Variants in MTUS2 observed in about 807,000 individuals in gnomAD.
MTUS2 encodes microtubule-associated tumor suppressor candidate 2.
In MTUS2, 40 loss-of-function variants were observed where a neutral mutation model predicts 114.1. The observed-to-expected ratio is 0.35, with a 90% CI of 0.27 to 0.46. The LOEUF is 0.46. MTUS2 is among the 20% of genes least tolerant of loss of function. The pLI is 1.00. For missense variants in MTUS2, 1,679 were observed against 1,705.4 expected, an observed-to-expected ratio of 0.98 and a Z score of 0.27; for synonymous variants, 688 against 672.0, an observed-to-expected ratio of 1.02 and a Z score of -0.37.
intron 8 of MTUS2, among the ~76,000 whole-genome samples, chr13:29,391,756 C>T (rs148670726): frequency 7.3e-5 from 11 of 151,696 alleles, no homozygotes; most frequent in African/African-American, 1.9e-4. Context: ...TTAAAAGCTA[C>T]GATTTTAATC....
At chr13:28,956,312 A>G (rs181218696) in intron 2 of MTUS2, among the ~76,000 whole-genome samples, 1 of 151,954 alleles carries the variant, frequency 6.6e-6, no homozygotes, top group Non-Finnish European at 1.5e-5. Flanking sequence ...TCCTATCCCC[A>G]GCACCGGGTA....
intron 10 of MTUS2, among the ~76,000 whole-genome samples, chr13:29,482,901 G>A (rs1026465033): frequency 6.6e-5 from 10 of 152,190 alleles, no homozygotes; most frequent in Admixed American, 5.2e-4. Flanking sequence ...GTTTCCCCAG[G>A]CTTCAGTTTC....
At chr13:28,901,989 T>C (rs116988545) in intron 2 of MTUS2, among the ~76,000 whole-genome samples, 5,180 of 152,290 alleles carry the variant, frequency 0.034, 121 homozygotes, top group Middle Eastern at 0.055. Flanking sequence ...TGCCTTTTTA[T>C]TTAGATCTTT....
chr13:28,961,391 G>T (rs1238725961), intron 2 of MTUS2, among the ~76,000 whole-genome samples: 1 of 152,088 alleles, frequency 6.6e-6, no homozygotes, highest in Non-Finnish European at 1.5e-5. Context: ...TCATAGAAAT[G>T]ACACCTTATC....
chr13:29,150,935 T>C (rs1892640158), intron 5 of MTUS2, among the ~76,000 whole-genome samples: 1 of 152,242 alleles, frequency 6.6e-6, no homozygotes, highest in South Asian at 2.1e-4. Context: ...CATGCTGTTT[T>C]GGTTACTATA....
At chr13:29,491,902 G>A (rs1338893968) in intron 11 of MTUS2, among the ~76,000 whole-genome samples, 6 of 143,670 alleles carry the variant, frequency 4.2e-5, no homozygotes, top group South Asian at 2.3e-4. Flanking sequence ...TGTGCGTGGC[G>A]TGTAGTGTGT....
chr13:29,404,514 T>A (rs1406023195), intron 8 of MTUS2, among the ~76,000 whole-genome samples: 1 of 152,100 alleles, frequency 6.6e-6, no homozygotes, highest in Non-Finnish European at 1.5e-5. Context: ...AGACCAGTAT[T>A]TGTCCCCCGT....
intron 2 of MTUS2, among the ~76,000 whole-genome samples, chr13:28,884,991 G>C (rs999773882): frequency 1.3e-5 from 2 of 151,906 alleles, no homozygotes; most frequent in Admixed American, 1.3e-4. Flanking sequence ...AAAATTAATT[G>C]CACCTTTTAA....
chr13:29,242,204 T>A (rs1896758167), intron 5 of MTUS2, among the ~76,000 whole-genome samples: 1 of 152,232 alleles, frequency 6.6e-6, no homozygotes, highest in Non-Finnish European at 1.5e-5. Flanking sequence ...AATATTTTCA[T>A]CATCTCAGTA....
chr13:28,896,680 C>T (rs1168635363), intron 2 of MTUS2, among the ~76,000 whole-genome samples: 3 of 152,196 alleles, frequency 2.0e-5, no homozygotes, highest in Non-Finnish European at 2.9e-5. Context: ...ACCAAAACAG[C>T]ATGGTACTGG....
chr13:29,192,665 C>T (rs976657378), intron 5 of MTUS2, among the ~76,000 whole-genome samples: 19 of 152,036 alleles, frequency 1.2e-4, no homozygotes, highest in Admixed American at 7.2e-4. Flanking sequence ...GTCATTATTA[C>T]GTATCAATTA....
chr13:29,049,990 C>G (rs547253041), intron 4 of MTUS2, among the ~76,000 whole-genome samples: 4 of 152,260 alleles, frequency 2.6e-5, no homozygotes, highest in African/African-American at 9.6e-5. Context: ...GATTTCCCGC[C>G]AACATGGAAC....
At position 29,432,311 on chromosome 13, in the gene MTUS2, A is replaced by G. The variant is rs1283162356; in HGVS notation, c.3118-7672A>G. Among the ~76,000 whole-genome samples, 3 of 152,270 alleles carry G rather than the reference A, an allele frequency of 2.0e-5. No individual in the cohort carries two copies. In the East Asian group the frequency reaches 5.8e-4, roughly 29 times the overall value. On this transcript the variant is annotated intron_variant, in intron 8 of 15. Transcript: ENST00000612955. ...AAGGGCCCATTCACCTACAGACTCA[A>G]CCTGATCCAGGATGAAGCCAGGAGC...
intron 5 of MTUS2, among the ~76,000 whole-genome samples, chr13:29,224,082 T>TC (rs1896012728): frequency 6.6e-6 from 1 of 152,198 alleles, no homozygotes; most frequent in Non-Finnish European, 1.5e-5. Context: ...AGGAATGGGA[T>TC]CCAGGCTGGT....
chr13:29,217,367 T>A (rs1405515368), intron 5 of MTUS2, among the ~76,000 whole-genome samples: 1 of 152,236 alleles, frequency 6.6e-6, no homozygotes, highest in Non-Finnish European at 1.5e-5. Context: ...ATACTGCAGA[T>A]TCTGTTTCAA....
chr13:28,975,032 A>G (rs929810944), intron 2 of MTUS2, among the ~76,000 whole-genome samples: 3 of 152,250 alleles, frequency 2.0e-5, no homozygotes, highest in African/African-American at 7.2e-5. Context: ...TCAGTTATAA[A>G]AGAAGAAAAT....
chr13:29,077,463 A>C (rs573671797), intron 4 of MTUS2, among the ~76,000 whole-genome samples: 2 of 152,330 alleles, frequency 1.3e-5, no homozygotes, highest in African/African-American at 4.8e-5. Context: ...AAAACTTCAA[A>C]TATGAAATTA....
chr13:29,264,435 T>TC (rs1290082928), intron 5 of MTUS2, among the ~76,000 whole-genome samples: 2 of 152,208 alleles, frequency 1.3e-5, no homozygotes, highest in East Asian at 3.9e-4. Context: ...TTCCCATAGC[T>TC]CCCCCAGGCA....
chr13:29,139,579 C>T (rs994154919), intron 5 of MTUS2, among the ~76,000 whole-genome samples: 1 of 138,782 alleles, frequency 7.2e-6, no homozygotes, highest in Non-Finnish European at 1.6e-5. Context: ...TTTACTTAGT[C>T]CAATTTGAGA....
Sources: allele counts gnomAD v4.1 joint callset (sites outside exome capture counted in the v4.1 genomes callset), GRCh38; gene constraint gnomAD v4.1.1; transcripts MANE v1.5; gene names NCBI Gene and HGNC (gene_info 2026-07-23, HGNC 2026-07-21).